ZNF148: variants seen among roughly 807,000 people sequenced by gnomAD.
ZNF148 encodes Beta-Enolase Repressor Factor-1.
Under a neutral mutation model 67.7 loss-of-function variants are expected in ZNF148, and 7 were observed. The ratio of observed to expected loss-of-function variants is 0.10; its 90% CI spans 0.06 to 0.19. ZNF148 has a LOEUF of 0.19. ZNF148 is among the 10% of genes least tolerant of loss of function. ZNF148 has a pLI of 1.00. For missense variants in ZNF148, 583 were observed against 947.1 expected (o/e 0.62, Z 5.05); for synonymous variants, 333 against 330.7 (o/e 1.01, Z -0.08).
At chr3:125,332,063 A>C (rs1301293004) in intron 1 of ZNF148, among the ~76,000 whole-genome samples, 1 of 152,214 alleles carries the variant, frequency 6.6e-6, no homozygotes, top group African/African-American at 2.4e-5. Flanking sequence ...CATAAATGTA[A>C]AAGCAGAATA....
rs1942713545 is a variant in ZNF148, at chr3:125,366,672, G to A, written c.-234+8430C>T. ...ATACATGCATATATTAGATAGAAGT[G>A]TGACATGTATTTCTTACTATAGGTC... On this transcript the variant is annotated intron_variant, in intron 1 of 8. Coordinates refer to ENST00000360647, the MANE Select transcript of ZNF148 (RefSeq NM_021964.3). Among the ~76,000 whole-genome samples, 5 of 152,264 alleles carry A rather than the reference G, an allele frequency of 3.3e-5. No homozygotes were observed. In the South Asian group the frequency reaches 1.0e-3, roughly 32 times the overall value.
intron 7 of ZNF148, among the ~76,000 whole-genome samples, chr3:125,243,836 T>G (rs1482260067): frequency 6.6e-6 from 1 of 152,216 alleles, no homozygotes; most frequent in Non-Finnish European, 1.5e-5. Context: ...TGTTTCTTGA[T>G]TCTTGAAATA....
chr3:125,280,823 A>G (rs1938345000), intron 5 of ZNF148, among the ~76,000 whole-genome samples: 1 of 151,264 alleles, frequency 6.6e-6, no homozygotes, highest in African/African-American at 2.4e-5. Flanking sequence ...AGATCTGATC[A>G]GGAGGGGTAT....
intron 7 of ZNF148, among the ~76,000 whole-genome samples, chr3:125,241,805 T>C (rs573652398): frequency 2.6e-5 from 4 of 152,358 alleles, no homozygotes; most frequent in Non-Finnish European, 5.9e-5. Context: ...AAACATATGT[T>C]CATGATTTTG....
chr3:125,351,207 T>C (rs1318319887), intron 1 of ZNF148, among the ~76,000 whole-genome samples: 1 of 151,856 alleles, frequency 6.6e-6, no homozygotes, highest in African/African-American at 2.4e-5. Flanking sequence ...ACCCAGTCTC[T>C]ACAAAAATAA....
chr3:125,319,150 T>C (rs890034554), intron 3 of ZNF148, among the ~76,000 whole-genome samples: 3 of 152,328 alleles, frequency 2.0e-5, no homozygotes, highest in Admixed American at 6.5e-5. Flanking sequence ...TTATCTGCCA[T>C]TACCTTTCTC....
At chr3:125,271,784 T>G (rs879406256) in intron 7 of ZNF148, among the ~76,000 whole-genome samples, 1 of 152,182 alleles carries the variant, frequency 6.6e-6, no homozygotes, top group Non-Finnish European at 1.5e-5. Context: ...TTCTTAGGAA[T>G]TGCTAGGTTT....
intron 1 of ZNF148, among the ~76,000 whole-genome samples, chr3:125,374,715 C>T (rs918158059): frequency 3.3e-5 from 5 of 152,052 alleles, no homozygotes; most frequent in African/African-American, 9.7e-5. Context: ...AGCACTGCAC[C>T]AGGCACGGTG....
chr3:125,340,941 T>C (rs868269970), intron 1 of ZNF148, among the ~76,000 whole-genome samples: 258 of 117,482 alleles, frequency 2.2e-3, no homozygotes, highest in African/African-American at 8.1e-3. Flanking sequence ...TGAGCCGAGA[T>C]CCCGCCACTG....
chr3:125,312,431 G>A (rs1050056222), intron 4 of ZNF148, among the ~76,000 whole-genome samples: 1 of 152,210 alleles, frequency 6.6e-6, no homozygotes, highest in South Asian at 2.1e-4. Context: ...CTGGACTACA[G>A]TGAAAAGTAA....
At chr3:125,285,652 C>T (rs987609178) in intron 5 of ZNF148, among the ~76,000 whole-genome samples, 1 of 152,056 alleles carries the variant, frequency 6.6e-6, no homozygotes, top group African/African-American at 2.4e-5. Context: ...TCTCAGCCTC[C>T]CAAAGTGCTA....
Position 125,226,235 on chromosome 3 carries a change from T to A in ZNF148, c.*6106A>T, listed in dbSNP as rs1005016815. Reference sequence around the variant, plus strand: ...AGGCCCTGATAATTGTTACCCAATTTGTGTAACTGTTAATTCCACACAGAA... The same window carrying A: ...AGGCCCTGATAATTGTTACCCAATTAGTGTAACTGTTAATTCCACACAGAA... On this transcript the variant is annotated 3_prime_UTR_variant, in exon 9 of 9. Coordinates refer to ENST00000360647, the MANE Select transcript of ZNF148 (RefSeq NM_021964.3). 6.6e-6 allele frequency: 1 copy of A among 152,658 alleles called. No individual in the cohort carries two copies. 9.5% of individuals were successfully genotyped at this position (152,658 alleles called of 1,614,324 possible).
At chr3:125,241,318 T>A (rs1044210822) in intron 7 of ZNF148, among the ~76,000 whole-genome samples, 3 of 139,664 alleles carry the variant, frequency 2.1e-5, no homozygotes, top group African/African-American at 7.8e-5. Flanking sequence ...TCTTTCTTTC[T>A]TTTTTTTTTT....
intron 1 of ZNF148, among the ~76,000 whole-genome samples, chr3:125,352,874 A>G (rs1942205638): frequency 6.6e-6 from 1 of 152,230 alleles, no homozygotes; most frequent in African/African-American, 2.4e-5. Flanking sequence ...CTATAAAGCT[A>G]TAATAATCAA....
At chr3:125,265,014 A>G (rs907791076) in intron 7 of ZNF148, among the ~76,000 whole-genome samples, 3 of 152,166 alleles carry the variant, frequency 2.0e-5, no homozygotes, top group Non-Finnish European at 4.4e-5. Context: ...AAGAGTAATG[A>G]TTTCATGTAA....
intron 5 of ZNF148, among the ~76,000 whole-genome samples, chr3:125,282,465 A>G (rs960617395): frequency 2.8e-4 from 43 of 152,118 alleles, no homozygotes; most frequent in Non-Finnish European, 5.0e-4. Flanking sequence ...GCCCCTTGTC[A>G]TTGCTACTTC....
At chr3:125,291,638 A>G (rs1939021352) in intron 4 of ZNF148, among the ~76,000 whole-genome samples, 1 of 152,050 alleles carries the variant, frequency 6.6e-6, no homozygotes, top group South Asian at 2.1e-4. Context: ...ACTACTAGCT[A>G]CTTCTTCTCT....
chr3:125,319,646 A>G (rs1220283681), intron 3 of ZNF148, among the ~76,000 whole-genome samples: 5 of 152,212 alleles, frequency 3.3e-5, no homozygotes, highest in Non-Finnish European at 7.3e-5. Context: ...AAAGACAACT[A>G]ATGTGTGCTG....
At chr3:125,319,301 G>A (rs948798402) in intron 3 of ZNF148, among the ~76,000 whole-genome samples, 19 of 152,070 alleles carry the variant, frequency 1.2e-4, no homozygotes, top group Admixed American at 3.3e-4. Context: ...TTTCGGTCGG[G>A]GCTTTTAATA....
Sources: allele counts gnomAD v4.1 joint callset (sites outside exome capture counted in the v4.1 genomes callset), GRCh38; gene constraint gnomAD v4.1.1; transcripts MANE v1.5; gene names NCBI Gene and HGNC (gene_info 2026-07-23, HGNC 2026-07-21).